Variants in HMCN1 observed in about 807,000 individuals in gnomAD.
HMCN1 encodes the protein hemicentin-1.
Under a neutral mutation model 625.9 loss-of-function variants are expected in HMCN1, and 321 were observed. The observed-to-expected ratio is 0.51, with a 90% CI of 0.47 to 0.56. HMCN1 has a LOEUF of 0.56. HMCN1 is among the 20% of genes least tolerant of loss of function. The pLI is 0.00. For synonymous variants in HMCN1, 2,425 were observed against 2,417.6 expected (o/e 1.00, Z -0.09); for missense variants, 6,588 against 6,887.3 (o/e 0.96, Z 1.54).
At chr1:185,956,938 G>A (rs1649672358) in intron 11 of HMCN1, 1 of 152,214 alleles carries the variant, frequency 6.6e-6, no homozygotes, top group Non-Finnish European at 1.5e-5. Context: ...ATATCACATT[G>A]TCATTTTTTA....
intron 57 of HMCN1, among the ~76,000 whole-genome samples, chr1:186,085,724 TC>T (rs144212020): frequency 0.017 from 2,529 of 152,124 alleles, 63 homozygotes; most frequent in African/African-American, 0.058. Flanking sequence ...CCACATCTGT[TC>T]CTGCCATTTC....
intron 103 of HMCN1, 47 bp from the exon 104 acceptor site, chr1:186,178,369 A>G (rs755918491): frequency 3.1e-6 from 4 of 1,295,984 alleles, no homozygotes; most frequent in South Asian, 1.2e-5. Context: ...TTGTGTGTGT[A>G]TGTATGTGTC....
At chr1:185,937,446 T>A (rs1466198858) in intron 11 of HMCN1, among the ~76,000 whole-genome samples, 1 of 152,192 alleles carries the variant, frequency 6.6e-6, no homozygotes, top group Non-Finnish European at 1.5e-5. Flanking sequence ...TGTTTTCATG[T>A]GGACAGAGAC....
At chr1:186,151,525 C>T (rs1275546922) in intron 94 of HMCN1, 81 bp from the exon 95 acceptor site, 2 of 1,415,016 alleles carry the variant, frequency 1.4e-6, no homozygotes, top group Non-Finnish European at 2.0e-6. Flanking sequence ...TAGAATTCAT[C>T]CTTGTGAATA....
intron 71 of HMCN1, 79 bp downstream of exon 71, chr1:186,108,676 G>A (rs1429985924): frequency 6.5e-7 from 1 of 1,541,352 alleles, no homozygotes; most frequent in African/African-American, 1.4e-5. Flanking sequence ...CCTTTGCTGG[G>A]TACACAAAAC....
chr1:185,940,777 T>G (rs1465779245), intron 11 of HMCN1, among the ~76,000 whole-genome samples: 3 of 152,150 alleles, frequency 2.0e-5, no homozygotes, highest in African/African-American at 7.2e-5. Context: ...ACTTTTTTTT[T>G]TTTGAGACAA....
rs1206791139 is a variant in HMCN1 at position 185,956,916 on chromosome 1, A to G, written c.1829-5602A>G. 2.0e-5 allele frequency among the ~76,000 whole-genome samples: 3 copies of G among 152,248 alleles called. No homozygotes were observed. The East Asian group carries it at 5.8e-4, about 29-fold the overall frequency. On this transcript the variant is annotated intron_variant, in intron 11 of 106. Coordinates refer to ENST00000271588, the MANE Select transcript of HMCN1 (RefSeq NM_031935.3). Reference sequence around the variant, plus strand: ...TCAGGAAATGGGACAAAGACAAAATATATATTTCACGATATCACATTGTCA... The same window carrying G: ...TCAGGAAATGGGACAAAGACAAAATGTATATTTCACGATATCACATTGTCA...
Position 185,734,980 on chromosome 1 carries a change from G to A in HMCN1, c.201G>A (p.Leu67=). ...VQVIEGASKI[L]ETSLKRPKRP... ...TGATTGAAGGGGCTTCCAAAATTTTGGAGACGTCTTTGAAAAGACCTAAAA... is the reference window on the plus strand; with the variant it reads ...TGATTGAAGGGGCTTCCAAAATTTTAGAGACGTCTTTGAAAAGACCTAAAA... The change falls in exon 1 of 107, where the codon TTG becomes TTA. Residue 67 remains leucine, a synonymous_variant. Transcript: ENST00000271588. 1.2e-6 allele frequency: 2 copies of A among 1,614,080 alleles called. No individual in the cohort carries two copies. Among genetic ancestry groups the A allele is most frequent in the Non-Finnish European group, 1.7e-6 (2 of 1,179,992 alleles).
At chr1:186,147,522 T>C (rs1206745164) in intron 93 of HMCN1, among the ~76,000 whole-genome samples, 1 of 151,972 alleles carries the variant, frequency 6.6e-6, no homozygotes, top group Non-Finnish European at 1.5e-5. Flanking sequence ...GTAATGTAAA[T>C]TAAAATGGTA....
At chr1:185,878,750 A>G (rs962538691) in intron 4 of HMCN1, among the ~76,000 whole-genome samples, 1 of 152,150 alleles carries the variant, frequency 6.6e-6, no homozygotes, top group African/African-American at 2.4e-5. Context: ...TGCCTAAAAC[A>G]GTGTTTGACA....
chr1:186,171,569 G>C (rs1652234879), intron 101 of HMCN1, 119 bp downstream of exon 101: 19 of 809,462 alleles, frequency 2.3e-5, no homozygotes, highest in Non-Finnish European at 3.6e-5. Context: ...CAAGCATGCA[G>C]CATGTATGCA....
chr1:186,003,730 T>A lies in HMCN1; in HGVS notation c.4361T>A (p.Ile1454Lys), dbSNP rs751773212. The A allele has an allele frequency of 1.2e-6, 2 of 1,613,270 alleles. No individual in the cohort carries two copies. Among genetic ancestry groups the A allele is most frequent in the East Asian group, 2.2e-5 (1 of 44,822 alleles). The change falls in exon 29 of 107, where the codon ATA (isoleucine) becomes AAA (lysine). Residue 1454 changes from isoleucine to lysine, a missense_variant. Ile to Lys is a moderately radical substitution (Grantham distance 102). This residue lies in a region of HMCN1 where 4,628 missense variants were observed against 4,853.1 expected (regional missense o/e 0.95). Coordinates refer to ENST00000271588, the MANE Select transcript of HMCN1 (RefSeq NM_031935.3). Reference sequence around the variant, plus strand: ...GTCTTTGTTCAAGTTCCACCCACCATAATAGGTACCAACTTCCCAAATGAA... The same window carrying A: ...GTCTTTGTTCAAGTTCCACCCACCAAAATAGGTACCAACTTCCCAAATGAA... ...FNIDVLVPPT[I>K]IGTNFPNEVS...
chr1:185,920,666 T>C (rs181016657), intron 6 of HMCN1, among the ~76,000 whole-genome samples: 6 of 152,314 alleles, frequency 3.9e-5, no homozygotes, highest in Non-Finnish European at 7.3e-5. Context: ...CAAACACTTG[T>C]ATAATTTCTG....
In HMCN1 at chr1:186,122,814, T is replaced by C. The variant is rs144329433; in HGVS notation, c.12230-137T>C. On this transcript the variant is annotated intron_variant, in intron 80 of 106. Transcript: ENST00000271588. ...TTTTTGTTCCCATGAAAAAATGTAG[T>C]GCTCCTTTTCTAATGATATGGTGAA... The C allele has an allele frequency of 4.0e-4, 357 of 902,258 alleles. 2 individuals carry two copies. The African/African-American group carries it at 5.3e-3, about 13-fold the overall frequency. The allele number at this position is 902,258 out of a possible 1,614,324, so 55.9% of individuals were successfully genotyped here. A position where few individuals can be genotyped will look rare whatever the true frequency, so the allele number is the denominator to read the frequency against.
At chr1:186,129,468 G>A (rs946430728) in intron 83 of HMCN1, among the ~76,000 whole-genome samples, 2 of 149,922 alleles carry the variant, frequency 1.3e-5, no homozygotes, top group African/African-American at 2.4e-5. Flanking sequence ...TTACAAATTT[G>A]ACTATGTTGT....
intron 96 of HMCN1, 57 bp downstream of exon 96, chr1:186,152,928 G>A (rs1333482919): frequency 4.4e-6 from 7 of 1,604,840 alleles, no homozygotes; most frequent in Non-Finnish European, 6.0e-6. Context: ...TGAGTGAAAG[G>A]TCCATAGAAT....
At chr1:185,993,150 C>T (rs200636716) in intron 22 of HMCN1, 32 bp from the exon 23 acceptor site, 4 of 1,603,272 alleles carry the variant, frequency 2.5e-6, no homozygotes, top group East Asian at 4.5e-5. Flanking sequence ...TTCTCCTCTT[C>T]CATGGTCTAC....
At chr1:185,933,496 G>A (rs756245716) in intron 10 of HMCN1, 53 bp from the exon 11 acceptor site, 9 of 1,597,504 alleles carry the variant, frequency 5.6e-6, no homozygotes, top group Non-Finnish European at 7.7e-6. Context: ...ACATCTGTAA[G>A]TGAGCAAAAT....
At chr1:186,018,157 A>G (rs769093831) in intron 33 of HMCN1, 26 bp from the exon 34 acceptor site, 17 of 1,587,822 alleles carry the variant, frequency 1.1e-5, no homozygotes, top group Non-Finnish European at 1.5e-5. Flanking sequence ...ATATTTATCC[A>G]GACTTCCTTT....
Sources: allele counts gnomAD v4.1 joint callset (sites outside exome capture counted in the v4.1 genomes callset), GRCh38; gene constraint gnomAD v4.1.1; regional missense constraint gnomAD v4.1.1; transcripts MANE v1.5; gene names NCBI Gene and HGNC (gene_info 2026-07-23, HGNC 2026-07-21).